RNF111: variants seen among roughly 807,000 people sequenced by gnomAD.
RNF111 encodes the protein ring finger protein 111.
Under a neutral mutation model 95.1 loss-of-function variants are expected in RNF111, and 17 were observed. The ratio of observed to expected loss-of-function variants is 0.18; its 90% CI spans 0.12 to 0.27. The LOEUF is 0.27. RNF111 is among the 10% of genes least tolerant of loss of function. The pLI is 1.00. For synonymous variants in RNF111, 440 were observed against 414.8 expected (o/e 1.06, Z -0.74); for missense variants, 1,189 against 1,210.4 (o/e 0.98, Z 0.26).
In RNF111 at chr15:59,052,320, ATGT is replaced by A; in HGVS notation, c.900_902del (p.Val302del). The stretch of plus-strand genomic sequence containing the variant: ...TTGTTTCCAGGAAGTATTGATGAAG[ATGT>A]TGTGGTGATAGAAGCTTCCTCCACT... On this transcript the variant is annotated inframe_deletion, in exon 3 of 14. Coordinates refer to ENST00000348370, the MANE Select transcript of RNF111 (RefSeq NM_017610.8). 3 of 1,592,968 alleles carry A rather than the reference ATGT, an allele frequency of 1.9e-6. No individual in the cohort carries two copies. The highest frequency in any genetic ancestry group is 2.6e-6 in the Non-Finnish European group (3 of 1,171,464).
intron 6 of RNF111, among the ~76,000 whole-genome samples, chr15:59,074,244 A>G (rs935569775): frequency 6.6e-6 from 1 of 152,236 alleles, no homozygotes; most frequent in African/African-American, 2.4e-5. Flanking sequence ...TTAAGTCACT[A>G]GCTACATTAG....
chr15:59,028,469 A>G (rs2040735792), intron 1 of RNF111, among the ~76,000 whole-genome samples: 1 of 152,202 alleles, frequency 6.6e-6, no homozygotes, highest in Non-Finnish European at 1.5e-5. Flanking sequence ...ATAAAGTAGC[A>G]AAATTCTAAC....
intron 1 of RNF111, among the ~76,000 whole-genome samples, chr15:58,993,813 C>T (rs2141372232): frequency 6.6e-6 from 1 of 152,120 alleles, no homozygotes; most frequent in East Asian, 1.9e-4. Context: ...TTCCTGAGGG[C>T]ATACACGATT....
At chr15:59,017,185 G>A (rs1297626736) in intron 1 of RNF111, among the ~76,000 whole-genome samples, 1 of 134,628 alleles carries the variant, frequency 7.4e-6, no homozygotes, top group East Asian at 2.5e-4. Flanking sequence ...TGTCTTCTAC[G>A]AATCCGTTCC....
chr15:59,010,982 T>C (rs1447798081), intron 1 of RNF111, among the ~76,000 whole-genome samples: 7 of 152,284 alleles, frequency 4.6e-5, no homozygotes, highest in African/African-American at 1.7e-4. Flanking sequence ...TAATTTCCCC[T>C]TTTCTCCCTA....
intron 6 of RNF111, among the ~76,000 whole-genome samples, chr15:59,070,029 C>CCCTTTTT (rs2042842652): frequency 4.4e-5 from 1 of 22,678 alleles, no homozygotes; most frequent in Non-Finnish European, 7.4e-5. Flanking sequence ...CCACCTCCTG[C>CCCTTTTT]TTTTTTTTTT....
At chr15:59,005,339 TAC>T (rs2039494668) in intron 1 of RNF111, among the ~76,000 whole-genome samples, 1 of 152,180 alleles carries the variant, frequency 6.6e-6, no homozygotes, top group South Asian at 2.1e-4. Flanking sequence ...AGGCTTTCAT[TAC>T]TATTCTCCAG....
intron 1 of RNF111, among the ~76,000 whole-genome samples, chr15:59,027,388 C>A (rs1050107697): frequency 6.6e-6 from 1 of 152,070 alleles, no homozygotes; most frequent in Non-Finnish European, 1.5e-5. Context: ...TTTTTTTAAA[C>A]CTCTTGACTT....
rs1030262349 is a variant in RNF111, at chr15:59,095,255, A to T, written c.*355A>T. ...ATTTTGTGGTCTTTTTGTTTTTTAC[A>T]TAGTACCAAGCCTTGATAATTATGA... On this transcript the variant is annotated 3_prime_UTR_variant, in exon 14 of 14. Coordinates refer to ENST00000348370, the MANE Select transcript of RNF111 (RefSeq NM_017610.8). The T allele has an allele frequency of 4.1e-6, 1 of 242,078 alleles. No homozygotes were observed. Among genetic ancestry groups the T allele is most frequent in the African/African-American group, 2.4e-5 (1 of 42,112 alleles). 15.0% of individuals were successfully genotyped at this position (242,078 alleles called of 1,614,324 possible). A position where few individuals can be genotyped will look rare whatever the true frequency, so the allele number is the denominator to read the frequency against.
rs117487204 is a variant in RNF111, at chr15:58,990,250, A to G, written c.-20+2182A>G. 2.4e-4 allele frequency among the ~76,000 whole-genome samples: 36 copies of G among 152,302 alleles called. 1 individual carries two copies. The highest frequency in any genetic ancestry group is 3.4e-3 in the Middle Eastern group (1 of 294). ...TTAGGTCCCAAATTTAATGGTTTGTATATCTAGTTAGGTTTTTGGTATTCA... is the reference window on the plus strand; with the variant it reads ...TTAGGTCCCAAATTTAATGGTTTGTGTATCTAGTTAGGTTTTTGGTATTCA... On this transcript the variant is annotated intron_variant, in intron 1 of 13. Transcript: ENST00000348370.
intron 2 of RNF111, chr15:59,049,745 C>CTTTTTTTTTTTTTTTTTTTTTT (rs368049097): frequency 5.7e-5 from 6 of 104,618 alleles, no homozygotes; most frequent in African/African-American, 7.5e-5. Context: ...TTCTTTCTTT[C>CTTTTTTTTTTTTTTTTTTTTTT]TTTTTTTTTT....
chr15:59,009,815 G>A (rs558673191), intron 1 of RNF111, among the ~76,000 whole-genome samples: 15 of 152,160 alleles, frequency 9.9e-5, no homozygotes, highest in African/African-American at 1.4e-4. Flanking sequence ...AATTAGCTGG[G>A]CATGATGGCT....
chr15:59,035,592 A>C (rs1231586113), intron 2 of RNF111, among the ~76,000 whole-genome samples: 1 of 152,204 alleles, frequency 6.6e-6, no homozygotes, highest in Non-Finnish European at 1.5e-5. Flanking sequence ...GTCAGGCTGC[A>C]AATTTTGCAA....
intron 1 of RNF111, among the ~76,000 whole-genome samples, chr15:59,004,700 T>C (rs1220297888): frequency 6.6e-6 from 1 of 152,210 alleles, no homozygotes; most frequent in Non-Finnish European, 1.5e-5. Context: ...AAGATAACCT[T>C]GGAAATCCCT....
chr15:59,036,695 G>A (rs1224018780), intron 2 of RNF111, among the ~76,000 whole-genome samples: 6 of 152,076 alleles, frequency 3.9e-5, no homozygotes, highest in African/African-American at 1.4e-4. Context: ...AATATTTATT[G>A]GCTATTGGGA....
intron 5 of RNF111, 124 bp downstream of exon 5, chr15:59,058,674 T>C (rs931739808): frequency 1.8e-5 from 15 of 830,446 alleles, no homozygotes; most frequent in South Asian, 1.1e-4. Context: ...TATAATAAAC[T>C]TCATATGTTA....
chr15:59,067,390 T>C (rs1169140219), intron 6 of RNF111, among the ~76,000 whole-genome samples: 1 of 151,924 alleles, frequency 6.6e-6, no homozygotes, highest in African/African-American at 2.4e-5. Flanking sequence ...TTTAGATGGC[T>C]GGAAAACCCA....
Position 59,052,322 on chromosome 15 carries a change from G to A in RNF111, c.898G>A (p.Val300Ile). The A allele has an allele frequency of 2.5e-6, 4 of 1,594,608 alleles. No homozygotes were observed. Among genetic ancestry groups the A allele is most frequent in the Non-Finnish European group, 3.4e-6 (4 of 1,172,086 alleles). ...AVPSGSIDED[V>I]VVIEASSTPQ... ...GTTTCCAGGAAGTATTGATGAAGATGTTGTGGTGATAGAAGCTTCCTCCAC... is the reference window on the plus strand; with the variant it reads ...GTTTCCAGGAAGTATTGATGAAGATATTGTGGTGATAGAAGCTTCCTCCAC... The change falls in exon 3 of 14, where the codon GTT becomes ATT. Residue 300 changes from valine to isoleucine, a missense_variant. Physicochemically the swap from Val to Ile is conservative, Grantham distance 29 (BLOSUM62 3). Transcript: ENST00000348370.
At chr15:59,017,644 A>G (rs2040130170) in intron 1 of RNF111, among the ~76,000 whole-genome samples, 1 of 151,914 alleles carries the variant, frequency 6.6e-6, no homozygotes, top group Non-Finnish European at 1.5e-5. Flanking sequence ...CTCTAAGAGT[A>G]GTTTGTAAGT....
Sources: allele counts gnomAD v4.1 joint callset (sites outside exome capture counted in the v4.1 genomes callset), GRCh38; gene constraint gnomAD v4.1.1; transcripts MANE v1.5; gene names NCBI Gene and HGNC (gene_info 2026-07-23, HGNC 2026-07-21).